Variants in INVS observed in about 807,000 individuals in gnomAD.
INVS encodes inversion of embryo turning homolog.
A neutral mutation model predicts 108.8 loss-of-function variants in INVS; 86 were observed. That is an observed-to-expected ratio of 0.79 (90% confidence interval 0.66 to 0.95). INVS has a LOEUF of 0.95. INVS is among the 40% of genes least tolerant of loss of function. The pLI, the probability that INVS is intolerant of heterozygous loss-of-function variation, is 0.00. For missense variants in INVS, 1,169 were observed against 1,297.4 expected (o/e 0.90, Z 1.52); for synonymous variants, 455 against 473.5 (o/e 0.96, Z 0.51).
At chr9:100,139,337 T>C (rs758936824) in intron 3 of INVS, among the ~76,000 whole-genome samples, 1 of 152,234 alleles carries the variant, frequency 6.6e-6, no homozygotes, top group South Asian at 2.1e-4. Context: ...TATTAACTCC[T>C]TTCCTTTAAC....
intron 2 of INVS, among the ~76,000 whole-genome samples, chr9:100,111,012 T>C (rs1463577225): frequency 6.6e-6 from 1 of 152,188 alleles, no homozygotes; most frequent in African/African-American, 2.4e-5. Flanking sequence ...TCAAACCAAA[T>C]TATCTGATGA....
At chr9:100,257,352 A>ACT (rs1290233228) in intron 10 of INVS, among the ~76,000 whole-genome samples, 2 of 151,880 alleles carry the variant, frequency 1.3e-5, no homozygotes, top group Admixed American at 6.6e-5. Flanking sequence ...ATGGGTCTTG[A>ACT]CTGTATCCAA....
chr9:100,113,923 C>T (rs1221231898), intron 2 of INVS, among the ~76,000 whole-genome samples: 1 of 152,138 alleles, frequency 6.6e-6, no homozygotes, highest in African/African-American at 2.4e-5. Context: ...TAGCACAGTT[C>T]AGGCCAAGAT....
At chr9:100,117,788 A>C in intron 2 of INVS, 1 of 484,986 alleles carries the variant, frequency 2.1e-6, no homozygotes, top group Non-Finnish European at 3.6e-6. Context: ...TTGAAACCCT[A>C]ACCCTCAATG....
chr9:100,272,647 A>G (rs879396837), intron 11 of INVS, among the ~76,000 whole-genome samples: 2 of 152,184 alleles, frequency 1.3e-5, no homozygotes, highest in Admixed American at 6.5e-5. Flanking sequence ...CATGGTTAGC[A>G]GCACAAAGCA....
At chr9:100,255,842 C>T (rs1832401419) in intron 10 of INVS, among the ~76,000 whole-genome samples, 1 of 152,204 alleles carries the variant, frequency 6.6e-6, no homozygotes, top group South Asian at 2.1e-4. Flanking sequence ...ATTTTTGCAT[C>T]GATGTTCATC....
At chr9:100,234,016 G>A (rs1469469681) in intron 5 of INVS, among the ~76,000 whole-genome samples, 2 of 152,100 alleles carry the variant, frequency 1.3e-5, no homozygotes, top group African/African-American at 4.8e-5. Flanking sequence ...TTTATTGGTT[G>A]GTAGGCTATT....
chr9:100,246,816 C>T, intron 8 of INVS, 29 bp downstream of exon 8: 1 of 1,602,944 alleles, frequency 6.2e-7, no homozygotes, highest in African/African-American at 1.3e-5. Context: ...ATTCAATTTG[C>T]TTTCATTTAG....
chr9:100,113,455 G>C (rs1486695502), intron 2 of INVS, among the ~76,000 whole-genome samples: 1 of 152,162 alleles, frequency 6.6e-6, no homozygotes, highest in East Asian at 1.9e-4. Flanking sequence ...AGTCTTTCTG[G>C]GTTCCAGCGT....
chr9:100,284,318 A>C lies in INVS; in HGVS notation c.1785-2A>C. The C allele has an allele frequency of 6.2e-7, 1 of 1,613,264 alleles. No individual in the cohort carries two copies. Among genetic ancestry groups the C allele is most frequent in the Non-Finnish European group, 8.5e-7 (1 of 1,180,048 alleles). On this transcript the variant is annotated splice_acceptor_variant, in intron 12 of 16. Coordinates refer to ENST00000262457, the MANE Select transcript of INVS (RefSeq NM_014425.5). LOFTEE classifies it high-confidence loss of function. Reference sequence around the variant, plus strand: ...CATCTTCTTCTTTGGCTTTGCTTCCAGAAAGCGAGAGGAAGAAAACAAACG... The same window carrying C: ...CATCTTCTTCTTTGGCTTTGCTTCCCGAAAGCGAGAGGAAGAAAACAAACG...
intron 14 of INVS, among the ~76,000 whole-genome samples, chr9:100,296,506 C>T (rs60671606): frequency 0.024 from 3,601 of 152,234 alleles, 147 homozygotes; most frequent in African/African-American, 0.083. Flanking sequence ...CGTAGAATGC[C>T]CTTCTCTGCC....
chr9:100,170,016 A>C (rs548970867), intron 3 of INVS, among the ~76,000 whole-genome samples: 1 of 152,300 alleles, frequency 6.6e-6, no homozygotes, highest in Non-Finnish European at 1.5e-5. Flanking sequence ...TGAAAATTCT[A>C]TGATTTTACT....
intron 3 of INVS, among the ~76,000 whole-genome samples, chr9:100,191,301 T>G (rs1471955458): frequency 6.6e-6 from 1 of 152,202 alleles, no homozygotes; most frequent in Non-Finnish European, 1.5e-5. Flanking sequence ...GTCTTCTCCC[T>G]CAGGAACACT....
intron 3 of INVS, among the ~76,000 whole-genome samples, chr9:100,207,913 G>A (rs1020739673): frequency 2.0e-5 from 3 of 152,162 alleles, no homozygotes; most frequent in Non-Finnish European, 4.4e-5. Context: ...GGGCTTGAGG[G>A]AGATACTAAA....
At chr9:100,187,630 G>T (rs904619817) in intron 3 of INVS, among the ~76,000 whole-genome samples, 1 of 147,798 alleles carries the variant, frequency 6.8e-6, no homozygotes, top group Non-Finnish European at 1.5e-5. Flanking sequence ...AGGTTCAAGC[G>T]ATTCTCCTGC....
intron 1 of INVS, 79 bp from the exon 2 acceptor site, chr9:100,104,419 A>G (rs1279539389): frequency 2.6e-6 from 2 of 776,176 alleles, no homozygotes; most frequent in Non-Finnish European, 4.5e-6. Flanking sequence ...CCATATTTAT[A>G]AAATACCCAC....
chr9:100,129,832 G>A, intron 3 of INVS: 3 of 463,802 alleles, frequency 6.5e-6, no homozygotes, highest in Non-Finnish European at 1.2e-5. Context: ...GGAAGCAGCA[G>A]CCTTACCAGG....
chr9:100,245,208 A>G (rs10819748), intron 7 of INVS, among the ~76,000 whole-genome samples: 1 of 152,086 alleles, frequency 6.6e-6, no homozygotes, highest in Non-Finnish European at 1.5e-5. Context: ...ATGCTGGAAT[A>G]TTAACCCCCA....
rs1833389525 is a variant in INVS, at chr9:100,284,843, TC to T, written c.2068+241del. ...TTGATTGATTTATGGTTTTTTGTTT[TC>T]TTTTCTTTTTTAGAGTGAAGTGTGA... On this transcript the variant is annotated intron_variant, in intron 13 of 16. Coordinates refer to ENST00000262457, the MANE Select transcript of INVS (RefSeq NM_014425.5). 4.6e-5 allele frequency among the ~76,000 whole-genome samples: 7 copies of T among 152,170 alleles called. No individual in the cohort carries two copies. The South Asian group carries it at 1.4e-3, about 32-fold the overall frequency.
Sources: gnomAD v4.1 joint callset for allele counts (sites outside exome capture counted in the v4.1 genomes callset) on GRCh38, gnomAD v4.1.1 for gene constraint, MANE v1.5 for transcripts, NCBI Gene and HGNC (gene_info 2026-07-23, HGNC 2026-07-21) for gene names.